Variants in CDH13 observed in about 807,000 individuals in gnomAD.
The protein encoded by CDH13 is cadherin 13, also known as cadherin-13.
In CDH13, 24 loss-of-function variants were observed where a neutral mutation model predicts 63.8. That is an observed-to-expected ratio of 0.38 (90% confidence interval 0.27 to 0.53). The LOEUF is 0.53. CDH13 is among the 20% of genes least tolerant of loss of function. The probability of loss-of-function intolerance (pLI) is 0.85; values close to 1 mark genes in which losing one functional copy is unlikely to be tolerated. For missense variants in CDH13, 1,049 were observed against 903.1 expected, an observed-to-expected ratio of 1.16 and a Z score of -2.07; for synonymous variants, 503 against 355.3, an observed-to-expected ratio of 1.42 and a Z score of -4.67.
intron 2 of CDH13, among the ~76,000 whole-genome samples, chr16:82,982,045 A>G (rs4782742): frequency 3.9e-5 from 6 of 152,066 alleles, no homozygotes; most frequent in Admixed American, 2.0e-4. Context: ...ATATGAAGCC[A>G]TATTTCCCTG....
intron 10 of CDH13, chr16:83,739,798 C>T (rs1911891559): frequency 6.6e-6 from 1 of 152,208 alleles, no homozygotes; most frequent in African/African-American, 2.4e-5. Context: ...TCATTCATTC[C>T]CTCATGCATG....
At chr16:83,015,553 T>C (rs991829947) in intron 2 of CDH13, among the ~76,000 whole-genome samples, 14 of 151,284 alleles carry the variant, frequency 9.3e-5, no homozygotes, top group African/African-American at 7.3e-5. Flanking sequence ...GATTCCAGCA[T>C]CTTAGCATTT....
intron 6 of CDH13, among the ~76,000 whole-genome samples, chr16:83,417,625 C>T (rs570284854): frequency 1.3e-5 from 2 of 152,120 alleles, no homozygotes; most frequent in African/African-American, 4.8e-5. Flanking sequence ...GCAGGCAAGA[C>T]AAATATGTTT....
At chr16:83,422,509 A>G (rs1473663095) in intron 6 of CDH13, among the ~76,000 whole-genome samples, 2 of 152,234 alleles carry the variant, frequency 1.3e-5, no homozygotes, top group Non-Finnish European at 2.9e-5. Context: ...GACAGAAAAG[A>G]GTTTAATTTC....
chr16:82,977,188 T>C (rs751088416), intron 2 of CDH13, among the ~76,000 whole-genome samples: 7 of 152,192 alleles, frequency 4.6e-5, no homozygotes, highest in African/African-American at 7.2e-5. Context: ...CTGCTCTCTC[T>C]GGGATTGCTA....
At chr16:82,893,855 T>C (rs1254329657) in intron 2 of CDH13, among the ~76,000 whole-genome samples, 1 of 152,182 alleles carries the variant, frequency 6.6e-6, no homozygotes, top group South Asian at 2.1e-4. Flanking sequence ...AGCTCCTGAC[T>C]GCATGAACCT....
At chr16:83,539,434 G>A (rs2075258741) in intron 7 of CDH13, among the ~76,000 whole-genome samples, 1 of 152,204 alleles carries the variant, frequency 6.6e-6, no homozygotes, top group South Asian at 2.1e-4. Context: ...CAGCACTGGT[G>A]TGTAGCCAGG....
At chr16:82,785,214 G>A (rs2035948077) in intron 1 of CDH13, among the ~76,000 whole-genome samples, 2 of 152,140 alleles carry the variant, frequency 1.3e-5, no homozygotes, top group South Asian at 4.1e-4. Context: ...GAAGACATGA[G>A]ACTCTCTTAT....
At chr16:83,486,859 G>T (rs2073901835) in intron 7 of CDH13, among the ~76,000 whole-genome samples, 1 of 152,130 alleles carries the variant, frequency 6.6e-6, no homozygotes, top group Non-Finnish European at 1.5e-5. Context: ...AAAGGCTAAA[G>T]CGCCTGGAAC....
intron 7 of CDH13, among the ~76,000 whole-genome samples, chr16:83,567,242 G>T (rs993034211): frequency 6.6e-6 from 1 of 152,124 alleles, no homozygotes; most frequent in African/African-American, 2.4e-5. Flanking sequence ...TGACTTCTTC[G>T]CCTTCCCTAG....
At chr16:83,006,650 A>G (rs560622725) in intron 2 of CDH13, among the ~76,000 whole-genome samples, 1 of 152,206 alleles carries the variant, frequency 6.6e-6, no homozygotes, top group Non-Finnish European at 1.5e-5. Flanking sequence ...AAAGAAGCAA[A>G]TAATGATGAA....
intron 2 of CDH13, among the ~76,000 whole-genome samples, chr16:83,014,294 A>C (rs1754013890): frequency 6.7e-6 from 1 of 148,888 alleles, no homozygotes; most frequent in Non-Finnish European, 1.5e-5. Context: ...TAGCGTGAGG[A>C]GACAACTCTT....
At chr16:82,879,968 A>C (rs2151202251) in intron 2 of CDH13, among the ~76,000 whole-genome samples, 1 of 146,504 alleles carries the variant, frequency 6.8e-6, no homozygotes, top group South Asian at 2.1e-4. Context: ...GTATCATTAT[A>C]TATAGATCCA....
intron 2 of CDH13, among the ~76,000 whole-genome samples, chr16:83,017,119 T>C (rs1003334400): frequency 2.0e-5 from 3 of 152,208 alleles, no homozygotes; most frequent in African/African-American, 7.2e-5. Context: ...GTAACAGCTC[T>C]TGACTACATT....
chr16:82,777,456 G>A (rs2035550543), intron 1 of CDH13, among the ~76,000 whole-genome samples: 1 of 152,180 alleles, frequency 6.6e-6, no homozygotes, highest in Non-Finnish European at 1.5e-5. Context: ...TTTGTGAATG[G>A]TGCCTCCAAG....
At chr16:83,130,728 C>T (rs1315510087) in intron 4 of CDH13, among the ~76,000 whole-genome samples, 3 of 152,152 alleles carry the variant, frequency 2.0e-5, no homozygotes, top group Admixed American at 6.5e-5. Flanking sequence ...AGCATGCTGG[C>T]ACAAAAACGC....
In CDH13 at chr16:82,947,474, A is replaced by G. The variant is rs182182465; in HGVS notation, c.158-84536A>G. 2.6e-5 allele frequency among the ~76,000 whole-genome samples: 4 copies of G among 152,310 alleles called. No individual in the cohort carries two copies. In the East Asian group the frequency reaches 7.7e-4, roughly 29 times the overall value. ...TATCCATACTTCTGTGTTAACTACGATAATTATCTTAATTTGATGTTTCGG... is the reference window on the plus strand; with the variant it reads ...TATCCATACTTCTGTGTTAACTACGGTAATTATCTTAATTTGATGTTTCGG... On this transcript the variant is annotated intron_variant, in intron 2 of 13. Transcript: ENST00000567109.
chr16:83,262,051 C>G (rs1907059576), intron 5 of CDH13, among the ~76,000 whole-genome samples: 2 of 152,190 alleles, frequency 1.3e-5, no homozygotes, highest in South Asian at 4.1e-4. Context: ...TGTCTTCACG[C>G]TGGCACACTG....
intron 6 of CDH13, among the ~76,000 whole-genome samples, chr16:83,450,583 A>G (rs1819844794): frequency 1.3e-5 from 2 of 152,236 alleles, no homozygotes; most frequent in African/African-American, 4.8e-5. Context: ...TAAATTTGAT[A>G]AAGAGGGCCA....
Sources: gnomAD v4.1 joint callset for allele counts (sites outside exome capture counted in the v4.1 genomes callset) on GRCh38, gnomAD v4.1.1 for gene constraint, MANE v1.5 for transcripts, NCBI Gene and HGNC (gene_info 2026-07-23, HGNC 2026-07-21) for gene names.